SPTBN1: variants seen among roughly 807,000 people sequenced by gnomAD.
SPTBN1 encodes the protein spectrin beta chain, non-erythrocytic 1.
SPTBN1 carries 32 observed loss-of-function variants against 266.4 expected under a neutral mutation model. That is an observed-to-expected ratio of 0.12 (90% CI 0.09 to 0.16). The LOEUF (loss-of-function observed/expected upper bound fraction) is 0.16, where lower values mean the gene tolerates loss of function less well. Among genes scored for constraint, SPTBN1 ranks in the 10% least tolerant of loss-of-function variants. SPTBN1 has a pLI of 1.00. For missense variants in SPTBN1, 2,296 were observed against 3,067.1 expected, an observed-to-expected ratio of 0.75 and a Z score of 5.94; for synonymous variants, 1,336 against 1,162.2, an observed-to-expected ratio of 1.15 and a Z score of -3.04.
At chr2:54,523,343 C>T (rs1379113775) in intron 1 of SPTBN1, among the ~76,000 whole-genome samples, 1 of 152,210 alleles carries the variant, frequency 6.6e-6, no homozygotes, top group Non-Finnish European at 1.5e-5. Flanking sequence ...CAGGATTTTA[C>T]TTCCATTCAG....
intron 1 of SPTBN1, among the ~76,000 whole-genome samples, chr2:54,478,034 T>A (rs1486861072): frequency 2.6e-5 from 4 of 152,148 alleles, no homozygotes; most frequent in African/African-American, 9.7e-5. Context: ...ACCAGTATTG[T>A]GGAAAAAGCA....
chr2:54,644,312 T>G lies in SPTBN1; in HGVS notation c.4006-11T>G. ...TTGTTTATTTACAACCATGTTGGTT[T>G]TGTTTTCCAGGAAGGAATGCAGCTC... On this transcript the variant is annotated splice_polypyrimidine_tract_variant and intron_variant, in intron 19 of 35. Coordinates refer to ENST00000356805, the MANE Select transcript of SPTBN1 (RefSeq NM_003128.3). The G allele has an allele frequency of 6.3e-7, 1 of 1,598,432 alleles. No homozygotes were observed. Among genetic ancestry groups the G allele is most frequent in the Non-Finnish European group, 8.6e-7 (1 of 1,167,798 alleles).
rs563274753 is a variant in SPTBN1 at position 54,610,094 on chromosome 2, T to C, written c.301-2067T>C. ...ATACACTTTTCCTTCATTGATTTTC[T>C]TAATGGTGCCTGGGAACTCATCTGC... On this transcript the variant is annotated intron_variant, in intron 3 of 35. Coordinates refer to ENST00000356805, the MANE Select transcript of SPTBN1 (RefSeq NM_003128.3). Among the ~76,000 whole-genome samples the C allele has an allele frequency of 2.2e-4, 25 of 113,218 alleles. No individual in the cohort carries two copies. The South Asian group carries it at 6.6e-3, about 30-fold the overall frequency. The allele number at this position is 113,218 out of a possible 152,430, so 74.3% of individuals were successfully genotyped here.
chr2:54,636,209 A>G (rs531526739), intron 17 of SPTBN1, among the ~76,000 whole-genome samples: 202 of 152,274 alleles, frequency 1.3e-3, no homozygotes, highest in South Asian at 4.3e-3. Flanking sequence ...CATTTTGCCT[A>G]TGTGGTATAA....
At chr2:54,545,311 T>C (rs779088808) in intron 2 of SPTBN1, 6 of 152,060 alleles carry the variant, frequency 3.9e-5, no homozygotes, top group Non-Finnish European at 7.4e-5. Flanking sequence ...TTGGTGGGAG[T>C]GTAAATTAGT....
At chr2:54,600,950 AT>A (rs1558415804) in intron 3 of SPTBN1, among the ~76,000 whole-genome samples, 1 of 152,140 alleles carries the variant, frequency 6.6e-6, no homozygotes, top group East Asian at 1.9e-4. Context: ...TAATGTCCAC[AT>A]CATAAATGGG....
chr2:54,560,105 C>G (rs1256351256), intron 2 of SPTBN1, among the ~76,000 whole-genome samples: 1 of 148,096 alleles, frequency 6.8e-6, no homozygotes. Flanking sequence ...GTTCATTTCT[C>G]TTGAGCTCTT....
chr2:54,530,276 G>A lies in SPTBN1; in HGVS notation c.148+3710G>A, dbSNP rs536600301. Among the ~76,000 whole-genome samples, 46 of 150,668 alleles carry A rather than the reference G, an allele frequency of 3.1e-4. 1 individual carries two copies. Among genetic ancestry groups the A allele is most frequent in the Middle Eastern group, 3.4e-3 (1 of 292 alleles). On this transcript the variant is annotated intron_variant, in intron 2 of 35. Coordinates refer to ENST00000356805, the MANE Select transcript of SPTBN1 (RefSeq NM_003128.3). ...TTATGTATCTAAGGAAATAGGGTGA[G>A]GTAAACTACTTGTTACTAATTCTCA...
At chr2:54,616,608 A>C (rs1270384351) in intron 5 of SPTBN1, among the ~76,000 whole-genome samples, 3 of 152,246 alleles carry the variant, frequency 2.0e-5, no homozygotes, top group Non-Finnish European at 2.9e-5. Flanking sequence ...ATATTTTAAG[A>C]ATACAGTTGT....
intron 11 of SPTBN1, 67 bp downstream of exon 11, chr2:54,625,029 G>A: frequency 3.3e-6 from 5 of 1,504,540 alleles, no homozygotes; most frequent in Non-Finnish European, 4.4e-6. Flanking sequence ...CCATCCCCAG[G>A]GGCATAGGGC....
intron 2 of SPTBN1, among the ~76,000 whole-genome samples, chr2:54,535,909 A>T (rs1558816444): frequency 6.6e-6 from 1 of 152,206 alleles, no homozygotes; most frequent in Non-Finnish European, 1.5e-5. Flanking sequence ...GTAACCACCT[A>T]TTCAGGAGGC....
chr2:54,488,330 A>G (rs1668512747), intron 1 of SPTBN1, among the ~76,000 whole-genome samples: 1 of 152,108 alleles, frequency 6.6e-6, no homozygotes, highest in Non-Finnish European at 1.5e-5. Flanking sequence ...GTAAGACGAG[A>G]CCAAGGACCT....
intron 1 of SPTBN1, among the ~76,000 whole-genome samples, chr2:54,502,945 G>C (rs1175097504): frequency 6.6e-6 from 1 of 152,190 alleles, no homozygotes; most frequent in Admixed American, 6.5e-5. Context: ...CCTCAGAGAA[G>C]AATGCACTCG....
chr2:54,538,376 G>T (rs1431721134), intron 2 of SPTBN1, among the ~76,000 whole-genome samples: 2 of 152,148 alleles, frequency 1.3e-5, no homozygotes, highest in Admixed American at 6.5e-5. Flanking sequence ...CTTAGTACTA[G>T]AGTGCCATTC....
chr2:54,624,761 C>G, intron 10 of SPTBN1, 43 bp from the exon 11 acceptor site: 1 of 1,611,468 alleles, frequency 6.2e-7, no homozygotes, highest in Non-Finnish European at 8.5e-7. Context: ...TTGAACACTG[C>G]AGGAAACTGT....
At chr2:54,568,674 T>TA (rs1356566477) in intron 2 of SPTBN1, among the ~76,000 whole-genome samples, 1 of 152,078 alleles carries the variant, frequency 6.6e-6, no homozygotes, top group African/African-American at 2.4e-5. Flanking sequence ...ATTTGTGAGG[T>TA]AAAAAAACAG....
intron 5 of SPTBN1, among the ~76,000 whole-genome samples, chr2:54,616,973 A>G (rs1677651219): frequency 6.6e-6 from 1 of 152,222 alleles, no homozygotes. Flanking sequence ...AGCTAGCTGA[A>G]AAGTCATCAT....
chr2:54,598,996 A>C (rs1573500527), intron 2 of SPTBN1, 96 bp from the exon 3 acceptor site: 2 of 1,460,336 alleles, frequency 1.4e-6, no homozygotes, highest in South Asian at 2.6e-5. Flanking sequence ...AGTTTTGCTG[A>C]CCTTCCTCTG....
chr2:54,624,539 T>A (rs1678202371), intron 10 of SPTBN1, among the ~76,000 whole-genome samples: 1 of 152,242 alleles, frequency 6.6e-6, no homozygotes, highest in African/African-American at 2.4e-5. Flanking sequence ...TTACTTATAT[T>A]GCTTCATAGC....
Sources: gnomAD v4.1 joint callset for allele counts (sites outside exome capture counted in the v4.1 genomes callset) on GRCh38, gnomAD v4.1.1 for gene constraint, MANE v1.5 for transcripts, NCBI Gene and HGNC (gene_info 2026-07-23, HGNC 2026-07-21) for gene names.